GRB10: variants seen among roughly 807,000 people sequenced by gnomAD.
GRB10 encodes the protein growth factor receptor bound protein 10.
A neutral mutation model predicts 80.9 loss-of-function variants in GRB10; 20 were observed. That is an observed-to-expected ratio of 0.25 (90% CI 0.17 to 0.36). The LOEUF (loss-of-function observed/expected upper bound fraction) is 0.36. Ranked by LOEUF, GRB10 falls within the 10% of genes least tolerant of loss-of-function variation. The pLI, the probability that GRB10 is intolerant of heterozygous loss-of-function variation, is 1.00. For synonymous variants in GRB10, 291 were observed against 291.5 expected (o/e 1.00, Z 0.02); for missense variants, 548 against 747.7 (o/e 0.73, Z 3.12).
At chr7:50,619,975 A>G (rs575960860) in intron 8 of GRB10, among the ~76,000 whole-genome samples, 2 of 152,328 alleles carry the variant, frequency 1.3e-5, no homozygotes, top group South Asian at 2.1e-4. Flanking sequence ...AGCATCTTAC[A>G]TAGCAGCACT....
upstream of GRB10, among the ~76,000 whole-genome samples, chr7:50,787,825 C>A (rs1259147861): frequency 6.6e-6 from 1 of 152,210 alleles, no homozygotes. Flanking sequence ...TACCCTAGAA[C>A]AGACACCTGG....
intron 9 of GRB10, among the ~76,000 whole-genome samples, chr7:50,618,514 T>C (rs2051057893): frequency 6.6e-6 from 1 of 152,240 alleles, no homozygotes; most frequent in African/African-American, 2.4e-5. Flanking sequence ...CCTGTTCTGC[T>C]GCATTCCCCA....
At chr7:50,676,887 G>A (rs755450920) in intron 5 of GRB10, among the ~76,000 whole-genome samples, 4 of 152,136 alleles carry the variant, frequency 2.6e-5, no homozygotes, top group African/African-American at 4.8e-5. Context: ...AGATAGAAGG[G>A]AGGGGTGAGG....
At chr7:50,652,841 T>C (rs1321969326) in intron 7 of GRB10, among the ~76,000 whole-genome samples, 2 of 152,204 alleles carry the variant, frequency 1.3e-5, no homozygotes, top group East Asian at 1.9e-4. Context: ...AGGTTTAGTT[T>C]GACTCAGAAT....
chr7:50,736,812 G>A (rs1000318890), intron 3 of GRB10, among the ~76,000 whole-genome samples: 7 of 152,000 alleles, frequency 4.6e-5, no homozygotes, highest in South Asian at 2.1e-4. Context: ...TTTTTTAAAC[G>A]GTCCTAGGAA....
At chr7:50,663,340 G>A (rs141655307) in intron 7 of GRB10, among the ~76,000 whole-genome samples, 67 of 152,268 alleles carry the variant, frequency 4.4e-4, no homozygotes, top group African/African-American at 1.5e-3. Context: ...AGAGTAGGAG[G>A]CATCCCTCCC....
intron 5 of GRB10, among the ~76,000 whole-genome samples, chr7:50,698,102 G>C (rs568293962): frequency 1.2e-3 from 186 of 151,958 alleles, no homozygotes; most frequent in Non-Finnish European, 2.2e-3. Flanking sequence ...TTCCTTTTTT[G>C]TAAACTGCCT....
intron 7 of GRB10, among the ~76,000 whole-genome samples, chr7:50,657,887 C>CT (rs966976116): frequency 6.8e-4 from 102 of 150,300 alleles, no homozygotes; most frequent in East Asian, 2.3e-3. Flanking sequence ...TCCACTAATT[C>CT]TTTTTTTTTT....
chr7:50,684,044 C>T (rs991592690), intron 5 of GRB10, among the ~76,000 whole-genome samples: 4 of 152,134 alleles, frequency 2.6e-5, no homozygotes, highest in African/African-American at 4.8e-5. Context: ...TTTTAAAAAA[C>T]TGTTTATCTT....
intron 7 of GRB10, among the ~76,000 whole-genome samples, chr7:50,662,310 C>T (rs908623602): frequency 4.6e-5 from 7 of 152,148 alleles, no homozygotes; most frequent in East Asian, 1.9e-4. Flanking sequence ...GTGCGAGGCA[C>T]AATCAGGAAA....
At chr7:50,710,896 G>T in intron 4 of GRB10, 2 of 1,612,752 alleles carry the variant, frequency 1.2e-6, no homozygotes, top group Non-Finnish European at 1.7e-6. Context: ...ACAGAGGGCC[G>T]GCAGCTTGCA....
intron 5 of GRB10, among the ~76,000 whole-genome samples, chr7:50,690,295 TCAAA>T (rs753269301): frequency 8.1e-4 from 82 of 101,136 alleles, no homozygotes; most frequent in African/African-American, 2.4e-3. Flanking sequence ...AAACTCTGTC[TCAAA>T]CAAACAAACA....
intron 5 of GRB10, among the ~76,000 whole-genome samples, chr7:50,698,844 A>C (rs2063778894): frequency 6.6e-6 from 1 of 152,240 alleles, no homozygotes; most frequent in African/African-American, 2.4e-5. Flanking sequence ...AAAACTGTTA[A>C]GAATTTGGCT....
intron 12 of GRB10, 66 bp from the exon 13 acceptor site, chr7:50,612,905 C>T: frequency 9.3e-7 from 1 of 1,072,818 alleles, no homozygotes; most frequent in Non-Finnish European, 1.4e-6. Flanking sequence ...TCTGTCAAGG[C>T]AGGGCTGCAT....
At chr7:50,702,030 T>C (rs1230273488) in intron 5 of GRB10, among the ~76,000 whole-genome samples, 3 of 152,214 alleles carry the variant, frequency 2.0e-5, no homozygotes, top group African/African-American at 7.2e-5. Context: ...GATTGTTTTG[T>C]TTTTCTTTTC....
chr7:50,674,739 G>T, intron 5 of GRB10, 81 bp from the exon 6 acceptor site: 1 of 1,189,064 alleles, frequency 8.4e-7, no homozygotes, highest in Non-Finnish European at 1.2e-6. Flanking sequence ...TTGGTGATCA[G>T]GTTCCAAACC....
intron 4 of GRB10, among the ~76,000 whole-genome samples, chr7:50,711,699 G>C (rs984835396): frequency 6.6e-6 from 1 of 152,032 alleles, no homozygotes; most frequent in Non-Finnish European, 1.5e-5. Context: ...CTAGAACTCT[G>C]AACACACACA....
chr7:50,753,163 G>C (rs1209929637), intron 3 of GRB10, among the ~76,000 whole-genome samples: 2 of 152,162 alleles, frequency 1.3e-5, no homozygotes, highest in Non-Finnish European at 2.9e-5. Context: ...ACCACATCCA[G>C]GCCTGGGTGC....
intron 7 of GRB10, among the ~76,000 whole-genome samples, chr7:50,640,880 G>A (rs2056098077): frequency 6.6e-6 from 1 of 152,228 alleles, no homozygotes; most frequent in South Asian, 2.1e-4. Context: ...TGGACTCAGG[G>A]GAGGGCCTCT....
Sources: allele counts gnomAD v4.1 joint callset (sites outside exome capture counted in the v4.1 genomes callset), GRCh38; gene constraint gnomAD v4.1.1; transcripts MANE v1.5; gene names NCBI Gene and HGNC (gene_info 2026-07-23, HGNC 2026-07-21).